The following GOLM1 variants were observed in gnomAD, a reference collection of about 807,000 sequenced individuals.
GOLM1 encodes golgi membrane protein 1, also known as epididymis luminal protein 46.
GOLM1 carries 31 observed loss-of-function variants against 50.5 expected under a neutral mutation model. The observed-to-expected ratio is 0.61, with a 90% confidence interval of 0.46 to 0.83. The LOEUF (loss-of-function observed/expected upper bound fraction) is 0.83, where lower values mean the gene tolerates loss of function less well. Among genes scored for constraint, GOLM1 ranks in the 40% least tolerant of loss-of-function variants. The pLI, the probability that GOLM1 is intolerant of heterozygous loss-of-function variation, is 0.00. For synonymous variants in GOLM1, 178 were observed against 192.8 expected (o/e 0.92, Z 0.64); for missense variants, 491 against 501.3 (o/e 0.98, Z 0.20).
intron 1 of GOLM1, among the ~76,000 whole-genome samples, chr9:86,096,285 C>T (rs986661227): frequency 6.6e-6 from 1 of 151,230 alleles, no homozygotes; most frequent in African/African-American, 2.4e-5. Context: ...TGGAACAGAA[C>T]CATGCCCATT....
rs1563965304 is a variant in GOLM1 at position 86,077,858 on chromosome 9, A to C, written c.130-267T>G. 1.1e-5 allele frequency: 5 copies of C among 436,898 alleles called. No homozygotes were observed. In the East Asian group the frequency reaches 1.7e-4, roughly 15 times the overall value. The allele number at this position is 436,898 out of a possible 1,614,324, so 27.1% of individuals were successfully genotyped here. A position where few individuals can be genotyped will look rare whatever the true frequency, so the allele number is the denominator to read the frequency against. ...GGTTTTTGTGAGGCTTAAATGTGCT[A>C]AGTGCACAGAATGCCTCATGCTTTA... On this transcript the variant is annotated intron_variant, in intron 2 of 9. Transcript: ENST00000388712.
In GOLM1 at chr9:86,027,749, C is replaced by T. The variant is rs1214229727; in HGVS notation, c.*68G>A. 1.1e-5 allele frequency: 17 copies of T among 1,561,552 alleles called. No homozygotes were observed. The highest frequency in any genetic ancestry group is 2.0e-5 in the Admixed American group (1 of 50,222). On this transcript the variant is annotated 3_prime_UTR_variant, in exon 10 of 10. Transcript: ENST00000388712. ...AGTACATTTCACAGTTTTCAGTATT[C>T]AGTCCCTCATGAACATTTTATAGTC...
In GOLM1 at chr9:86,056,117, G is replaced by A. The variant is rs184944828; in HGVS notation, c.310-3526C>T. ...ATGGCAATTTGATGTGTCCTTTTCT[G>A]TCCATTCCCCTTAGCTCCCCTCCCG... On this transcript the variant is annotated intron_variant, in intron 3 of 9. Coordinates refer to ENST00000388712, the MANE Select transcript of GOLM1 (RefSeq NM_016548.4). 2.9e-4 allele frequency among the ~76,000 whole-genome samples: 37 copies of A among 126,362 alleles called. 2 individuals carry two copies. In the East Asian group the frequency reaches 7.6e-3, roughly 26 times the overall value. 82.9% of individuals were successfully genotyped at this position (126,362 alleles called of 152,430 possible).
intron 1 of GOLM1, among the ~76,000 whole-genome samples, chr9:86,081,947 GA>G (rs1004451047): frequency 2.0e-5 from 3 of 150,540 alleles, no homozygotes; most frequent in African/African-American, 7.3e-5. Flanking sequence ...AAAGGAAAGG[GA>G]TAACATTTTC....
At chr9:86,086,915 G>A (rs1834991582) in intron 1 of GOLM1, among the ~76,000 whole-genome samples, 1 of 152,142 alleles carries the variant, frequency 6.6e-6, no homozygotes, top group Non-Finnish European at 1.5e-5. Context: ...TTTTTGCTTA[G>A]GATTGTCTTG....
Position 86,036,527 on chromosome 9 carries a change from C to G in GOLM1, c.598-20G>C, listed in dbSNP as rs755744794. The G allele has an allele frequency of 1.9e-6, 3 of 1,612,658 alleles. No individual in the cohort carries two copies. The highest frequency in any genetic ancestry group is 4.5e-5 in the East Asian group (2 of 44,810). ...TTGGAGCTGAAACAGAAGCACAGGACAGCCAGCCAGGGCAGGGCTCTGTGA... is the reference window on the plus strand; with the variant it reads ...TTGGAGCTGAAACAGAAGCACAGGAGAGCCAGCCAGGGCAGGGCTCTGTGA... On this transcript the variant is annotated intron_variant, in intron 6 of 9. Transcript: ENST00000388712.
Position 86,077,538 on chromosome 9 carries a change from G to C in GOLM1, c.183C>G (p.Gly61=). The change falls in exon 3 of 10, where the codon GGC becomes GGG. Residue 61 remains glycine (G), a synonymous_variant. Coordinates refer to ENST00000388712, the MANE Select transcript of GOLM1 (RefSeq NM_016548.4). ...ACTCGTTCTTCTTCAGCTCCACGGC[G>C]CCTCTCTCTGCAGCCGCCCTGCGGA... ...GRVRRAAAER[G]AVELKKNEFQ... 1 of 1,612,790 alleles carries C rather than the reference G, an allele frequency of 6.2e-7. No individual in the cohort carries two copies. The highest frequency in any genetic ancestry group is 8.5e-7 in the Non-Finnish European group (1 of 1,178,798).
chr9:86,098,847 C>T (rs56112382), intron 1 of GOLM1, among the ~76,000 whole-genome samples: 25,919 of 152,126 alleles, frequency 0.17, 3,169 homozygotes, highest in East Asian at 0.52. Flanking sequence ...GGACGCGCGG[C>T]GGGAGGACCC....
At chr9:86,075,442 TTAAACGCTTTA>T (rs1329941122) in intron 3 of GOLM1, among the ~76,000 whole-genome samples, 5 of 152,202 alleles carry the variant, frequency 3.3e-5, no homozygotes, top group Non-Finnish European at 5.9e-5. Context: ...GAGCACTGGG[TTAAACGCTTTA>T]TAAATATTAT....
Position 86,036,514 on chromosome 9 carries a change from CA to C in GOLM1, c.598-8del. 6.2e-7 allele frequency: 1 copy of C among 1,613,834 alleles called. No homozygotes were observed. Among genetic ancestry groups the C allele is most frequent in the Non-Finnish European group, 8.5e-7 (1 of 1,179,922 alleles). ...GCTCACTGAGGGCTTGGAGCTGAAA[CA>C]GAAGCACAGGACAGCCAGCCAGGGC... On this transcript the variant is annotated splice_polypyrimidine_tract_variant and splice_region_variant and intron_variant, in intron 6 of 9. Coordinates refer to ENST00000388712, the MANE Select transcript of GOLM1 (RefSeq NM_016548.4).
At chr9:86,040,701 T>G in intron 6 of GOLM1, 38 bp downstream of exon 6, 2 of 1,591,914 alleles carry the variant, frequency 1.3e-6, no homozygotes, top group Non-Finnish European at 1.7e-6. Flanking sequence ...AAGATAGGGG[T>G]ACCTTCTAGA....
chr9:86,075,420 T>C (rs1201483378), intron 3 of GOLM1, among the ~76,000 whole-genome samples: 1 of 152,222 alleles, frequency 6.6e-6, no homozygotes, highest in Non-Finnish European at 1.5e-5. Flanking sequence ...TGCTGAGCTT[T>C]CATTCTAGGT....
Position 86,027,888 on chromosome 9 carries a change from TAAAAACTAAAAAGG to T in GOLM1, c.1130-9_1134del, listed in dbSNP as rs1564337763. ...GTGTCTCTTTTCTGATCTTCAACATTAAAAACTAAAAAGGAAAAACACATAATATTCTATAGAGT... is the reference window on the plus strand; with the variant it reads ...GTGTCTCTTTTCTGATCTTCAACATTAAAAACACATAATATTCTATAGAGT... On this transcript the variant is annotated splice_acceptor_variant and splice_polypyrimidine_tract_variant and coding_sequence_variant and intron_variant, in exon 10 of 10. Coordinates refer to ENST00000388712, the MANE Select transcript of GOLM1 (RefSeq NM_016548.4). LOFTEE classifies it high-confidence loss of function. 4 of 1,575,268 alleles carry T rather than the reference TAAAAACTAAAAAGG, an allele frequency of 2.5e-6. No individual in the cohort carries two copies.
chr9:86,037,438 CAAA>C (rs112398885), intron 6 of GOLM1, among the ~76,000 whole-genome samples: 6 of 59,198 alleles, frequency 1.0e-4, no homozygotes, highest in African/African-American at 9.4e-5. Context: ...GACTGTCTCT[CAAA>C]AAAAAAAAAA....
chr9:86,057,822 C>A (rs1834037386), intron 3 of GOLM1, among the ~76,000 whole-genome samples: 1 of 152,208 alleles, frequency 6.6e-6, no homozygotes, highest in East Asian at 1.9e-4. Context: ...CCGAGAGGGC[C>A]AGGGTGTCCA....
chr9:86,037,879 G>C (rs566169275), intron 6 of GOLM1, among the ~76,000 whole-genome samples: 65 of 151,744 alleles, frequency 4.3e-4, no homozygotes, highest in African/African-American at 1.5e-3. Context: ...CCCCAGCCAG[G>C]CGTGGTGGCT....
chr9:86,088,569 T>TAGCCACCGCGCCCGGC, intron 1 of GOLM1, among the ~76,000 whole-genome samples: 1 of 60,068 alleles, frequency 1.7e-5, no homozygotes, highest in African/African-American at 1.5e-4. Flanking sequence ...AACTCCTGGT[T>TAGCCACCGCGCCCGGC]TTGTTTTTTT....
intron 9 of GOLM1, 77 bp downstream of exon 9, chr9:86,033,205 C>T: frequency 1.2e-6 from 1 of 809,402 alleles, no homozygotes; most frequent in East Asian, 2.4e-5. Flanking sequence ...TTTGGGGATT[C>T]ATTGGATAAT....
In GOLM1 at chr9:86,033,283, A is replaced by G. The variant is rs775205128; in HGVS notation, c.1128T>C (p.Asp376=). 40 of 1,556,094 alleles carry G rather than the reference A, an allele frequency of 2.6e-5. No homozygotes were observed. The highest frequency in any genetic ancestry group is 3.4e-5 in the Non-Finnish European group (38 of 1,126,942). The change falls in exon 9 of 10, where the codon GAT becomes GAC. Residue 376 remains aspartate (D), a splice_region_variant and synonymous_variant. Transcript: ENST00000388712. ...CACCGATGTAGGCCCCATTCTTACCATCTATGTTTCTGTCATTCCCTGCCA... is the reference window on the plus strand; with the variant it reads ...CACCGATGTAGGCCCCATTCTTACCGTCTATGTTTCTGTCATTCCCTGCCA... ...AALAGNDRNI[D]VFNVEDQKRD... is the part of the protein sequence containing the mutation.
Sources: allele counts gnomAD v4.1 joint callset (sites outside exome capture counted in the v4.1 genomes callset), GRCh38; gene constraint gnomAD v4.1.1; transcripts MANE v1.5; gene names NCBI Gene and HGNC (gene_info 2026-07-23, HGNC 2026-07-21).